SV2B: variants seen among roughly 807,000 people sequenced by gnomAD.
SV2B encodes solute carrier family 22 member B2.
SV2B carries 41 observed loss-of-function variants against 73.9 expected under a neutral mutation model. The observed-to-expected ratio is 0.56, with a 90% CI of 0.43 to 0.72. The LOEUF (loss-of-function observed/expected upper bound fraction) is 0.72, where lower values mean the gene tolerates loss of function less well. Ranked by LOEUF, SV2B falls within the 30% of genes least tolerant of loss-of-function variation. The pLI, the probability that SV2B is intolerant of heterozygous loss-of-function variation, is 0.00. For synonymous variants in SV2B, 314 were observed against 314.2 expected (o/e 1.00, Z 0.01); for missense variants, 764 against 857.8 (o/e 0.89, Z 1.37).
chr15:91,272,471 G>A (rs1348982170), intron 9 of SV2B, among the ~76,000 whole-genome samples: 2 of 152,074 alleles, frequency 1.3e-5, no homozygotes, highest in Non-Finnish European at 2.9e-5. Context: ...TTCTGTCTGT[G>A]ATAGGTCGTG....
chr15:91,208,992 T>C (rs2045745423), intron 1 of SV2B, among the ~76,000 whole-genome samples: 1 of 152,190 alleles, frequency 6.6e-6, no homozygotes, highest in South Asian at 2.1e-4. Flanking sequence ...TATGTACCTG[T>C]CAGTGCCAGG....
intron 1 of SV2B, among the ~76,000 whole-genome samples, chr15:91,120,604 G>A (rs935313447): frequency 3.3e-5 from 5 of 151,866 alleles, no homozygotes; most frequent in Admixed American, 1.3e-4. Context: ...CCTTGAGCCC[G>A]AAAGTTGGAA....
At chr15:91,149,999 T>C (rs976277542) in intron 1 of SV2B, among the ~76,000 whole-genome samples, 24 of 152,140 alleles carry the variant, frequency 1.6e-4, no homozygotes, top group African/African-American at 5.8e-4. Flanking sequence ...TCTTTCTGTC[T>C]GTCTCTCTTT....
At position 91,227,561 on chromosome 15, in the gene SV2B, C is replaced by A. The variant is rs2141493629; in HGVS notation, c.451+847C>A. Among the ~76,000 whole-genome samples, 1 of 152,312 alleles carries A rather than the reference C, an allele frequency of 6.6e-6. No homozygotes were observed. The highest frequency in any genetic ancestry group is 1.9e-4 in the East Asian group (1 of 5,190). On this transcript the variant is annotated intron_variant, in intron 2 of 12. Transcript: ENST00000394232. The surrounding 1 kb of genome is among the most constrained non-coding windows in gnomAD (Gnocchi z 4.5). ...GCAAACATGTAGTTATGAGAACTAA[C>A]TATAAGTCAAATTCTCATTCAAGAC...
In SV2B at chr15:91,122,071, G is replaced by C. The variant is rs1284983435; in HGVS notation, c.-392+21708G>C. On this transcript the variant is annotated intron_variant, in intron 1 of 12. Transcript: ENST00000394232. This position sits in a 1 kb window ranked among gnomAD's most constrained non-coding sequence, Gnocchi z 4.3. ...TTACAGGCGTGAGCCACTGCGCCCG[G>C]CCCAATGGTGTTTTAAAAGTAATGC... is the stretch of plus-strand genomic sequence containing the variant. 6.6e-6 allele frequency among the ~76,000 whole-genome samples: 1 copy of C among 152,118 alleles called. No individual in the cohort carries two copies. The highest frequency in any genetic ancestry group is 2.4e-5 in the African/African-American group (1 of 41,418).
intron 4 of SV2B, among the ~76,000 whole-genome samples, chr15:91,256,314 T>C (rs2047688927): frequency 6.6e-6 from 1 of 152,236 alleles, no homozygotes; most frequent in Admixed American, 6.5e-5. Context: ...ATGAATGCGA[T>C]AAATGCAGAT....
Position 91,110,453 on chromosome 15 carries a change from C to T in SV2B, c.-392+10090C>T, listed in dbSNP as rs1295733476. Among the ~76,000 whole-genome samples, 3 of 152,212 alleles carry T rather than the reference C, an allele frequency of 2.0e-5. No individual in the cohort carries two copies. Among genetic ancestry groups the T allele is most frequent in the Non-Finnish European group, 4.4e-5 (3 of 68,034 alleles). ...CAACAGCCTCCTCTGATTGCTCAAT[C>T]CTCTGGGATTTTCCCTGCCTGGCTC... On this transcript the variant is annotated intron_variant, in intron 1 of 12. Coordinates refer to ENST00000394232, the MANE Select transcript of SV2B (RefSeq NM_001323032.3). This position sits in a 1 kb window ranked among gnomAD's most constrained non-coding sequence, Gnocchi z 5.4.
chr15:91,127,699 A>T (rs1048796616), intron 1 of SV2B, among the ~76,000 whole-genome samples: 1 of 152,048 alleles, frequency 6.6e-6, no homozygotes, highest in Non-Finnish European at 1.5e-5. Flanking sequence ...TGCAGGGGGA[A>T]GTGTGGTGGG....
intron 1 of SV2B, among the ~76,000 whole-genome samples, chr15:91,138,247 T>G (rs2042901907): frequency 3.3e-5 from 5 of 152,258 alleles, no homozygotes; most frequent in Admixed American, 1.3e-4. Flanking sequence ...GTTCTGTATC[T>G]GCACAGTCTA....
In SV2B at chr15:91,121,996, G is replaced by A. The variant is rs1245681791; in HGVS notation, c.-392+21633G>A. ...TCACCATGTTAGCCAGGATGGTCTC[G>A]ATCTCCTGACTTCATGATTCGCCTG... On this transcript the variant is annotated intron_variant, in intron 1 of 12. Coordinates refer to ENST00000394232, the MANE Select transcript of SV2B (RefSeq NM_001323032.3). This position sits in a 1 kb window ranked among gnomAD's most constrained non-coding sequence, Gnocchi z 4.4. 5.3e-5 allele frequency among the ~76,000 whole-genome samples: 8 copies of A among 151,950 alleles called. No homozygotes were observed. Among genetic ancestry groups the A allele is most frequent in the East Asian group, 1.9e-4 (1 of 5,172 alleles).
Position 91,242,794 on chromosome 15 carries a change from G to T in SV2B, c.452-9025G>T, listed in dbSNP as rs1021771197. Among the ~76,000 whole-genome samples, 1 of 152,124 alleles carries T rather than the reference G, an allele frequency of 6.6e-6. No homozygotes were observed. Among genetic ancestry groups the T allele is most frequent in the African/African-American group, 2.4e-5 (1 of 41,426 alleles). ...TCACTTTCTGAACATGCTATTAAAG[G>T]CTGCACAAATCTCTGTCACACAGGG... On this transcript the variant is annotated intron_variant, in intron 2 of 12. Transcript: ENST00000394232. This position sits in a 1 kb window ranked among gnomAD's most constrained non-coding sequence, Gnocchi z 4.9.
intron 2 of SV2B, among the ~76,000 whole-genome samples, chr15:91,246,722 TCCTC>T (rs2047242998): frequency 6.7e-6 from 1 of 149,362 alleles, no homozygotes; most frequent in African/African-American, 2.5e-5. Context: ...AACCTCCTCC[TCCTC>T]CTCCTCCTCC....
intron 2 of SV2B, among the ~76,000 whole-genome samples, chr15:91,237,171 T>C (rs1313723049): frequency 6.6e-6 from 1 of 152,190 alleles, no homozygotes; most frequent in Non-Finnish European, 1.5e-5. Context: ...ATTGCTGAGC[T>C]ATGTTTGTGC....
intron 1 of SV2B, among the ~76,000 whole-genome samples, chr15:91,174,157 A>G (rs2044221548): frequency 6.6e-6 from 1 of 152,266 alleles, no homozygotes; most frequent in Admixed American, 6.5e-5. Flanking sequence ...TAGCAACTCC[A>G]ATTCTGAAAT....
chr15:91,104,885 G>T (rs1469717843), intron 1 of SV2B, among the ~76,000 whole-genome samples: 1 of 152,188 alleles, frequency 6.6e-6, no homozygotes, highest in East Asian at 1.9e-4. Flanking sequence ...GCCCGCCTCG[G>T]CCTCCCAAAG....
chr15:91,132,340 A>AGG lies in SV2B; in HGVS notation c.-392+31978_-392+31979dup, dbSNP rs1174443260. On this transcript the variant is annotated intron_variant, in intron 1 of 12. Coordinates refer to ENST00000394232, the MANE Select transcript of SV2B (RefSeq NM_001323032.3). The surrounding 1 kb of genome is among the most constrained non-coding windows in gnomAD (Gnocchi z 4.6). ...ACCAGAGGCTGAAGTGAAGTTACAA[A>AGG]GGTCACACACCTGTGCAAACATTGG... Among the ~76,000 whole-genome samples, 1 of 152,236 alleles carries AGG rather than the reference A, an allele frequency of 6.6e-6. No homozygotes were observed. Among genetic ancestry groups the AGG allele is most frequent in the African/African-American group, 2.4e-5 (1 of 41,470 alleles).
chr15:91,187,379 T>C (rs2044813870), intron 1 of SV2B, among the ~76,000 whole-genome samples: 1 of 152,216 alleles, frequency 6.6e-6, no homozygotes. Flanking sequence ...ATTTTTTACG[T>C]GGCAGCAGAA....
intron 1 of SV2B, among the ~76,000 whole-genome samples, chr15:91,211,503 C>T (rs1459660234): frequency 6.7e-6 from 1 of 150,368 alleles, no homozygotes; most frequent in African/African-American, 2.5e-5. Flanking sequence ...GCTTCTTCTT[C>T]TTCCTTTTTT....
rs2048936871 is a variant in SV2B at position 91,288,532 on chromosome 15, C to T, written c.1709-989C>T. 6.6e-6 allele frequency among the ~76,000 whole-genome samples: 1 copy of T among 152,064 alleles called. No homozygotes were observed. On this transcript the variant is annotated intron_variant, in intron 11 of 12. Transcript: ENST00000394232. The surrounding 1 kb of genome is among the most constrained non-coding windows in gnomAD (Gnocchi z 5.8). ...GCAGATGTTTCTGTGCCTGGTTTAC[C>T]CCATGGACTGTATCTAGCATCCTGC...
Sources: gnomAD v4.1 joint callset for allele counts (sites outside exome capture counted in the v4.1 genomes callset) on GRCh38, gnomAD v4.1.1 for gene constraint, Gnocchi (gnomAD v3.1) non-coding constraint, MANE v1.5 for transcripts, NCBI Gene and HGNC (gene_info 2026-07-23, HGNC 2026-07-21) for gene names.